The following GALNT13 variants were observed in gnomAD, a reference collection of about 807,000 sequenced individuals.
GALNT13 encodes the protein UDP-GalNAc:polypeptide N-acetylgalactosaminyltransferase 13.
GALNT13 carries 28 observed loss-of-function variants against 64.2 expected under a neutral mutation model. The ratio of observed to expected loss-of-function variants is 0.44; its 90% CI spans 0.32 to 0.60. The LOEUF is 0.60. Among genes scored for constraint, GALNT13 ranks in the 20% least tolerant of loss-of-function variants. The pLI, the probability that GALNT13 is intolerant of heterozygous loss-of-function variation, is 0.05. For synonymous variants in GALNT13, 214 were observed against 224.6 expected (o/e 0.95, Z 0.42); for missense variants, 577 against 669.8 (o/e 0.86, Z 1.53).
At chr2:154,286,921 G>A (rs151247803) in intron 8 of GALNT13, 62 of 496,738 alleles carry the variant, frequency 1.2e-4, no homozygotes, top group East Asian at 1.0e-3. Flanking sequence ...CACCAGCATC[G>A]GAGAGGACTA....
At chr2:153,688,952 T>C in the GALNT13 span, among the ~76,000 whole-genome samples, 1 of 151,354 alleles carries the variant, frequency 6.6e-6, no homozygotes, top group Non-Finnish European at 1.5e-5. Context: ...GTTGCGTATA[T>C]ACCGAAAGTG....
chr2:154,091,721 C>A (rs897628422), intron 3 of GALNT13, among the ~76,000 whole-genome samples: 22 of 151,776 alleles, frequency 1.4e-4, no homozygotes, highest in Non-Finnish European at 3.1e-4. Context: ...TAGTAAACTG[C>A]TTATTCAGAA....
At chr2:154,343,378 C>T (rs1454302265) in intron 9 of GALNT13, among the ~76,000 whole-genome samples, 1 of 151,918 alleles carries the variant, frequency 6.6e-6, no homozygotes, top group Non-Finnish European at 1.5e-5. Context: ...GTGGTTGTTA[C>T]TGGAGATAAA....
chr2:153,730,983 T>C, the GALNT13 span, among the ~76,000 whole-genome samples: 1 of 151,778 alleles, frequency 6.6e-6, no homozygotes, highest in Admixed American at 6.6e-5. Flanking sequence ...CACACATTTA[T>C]TGCAGTACTA....
intron 3 of GALNT13, among the ~76,000 whole-genome samples, chr2:154,133,578 A>ATC (rs1407079879): frequency 8.0e-6 from 1 of 125,560 alleles, no homozygotes; most frequent in African/African-American, 3.5e-5. Flanking sequence ...ATATATATAT[A>ATC]TATATATCTG....
intron 4 of GALNT13, among the ~76,000 whole-genome samples, chr2:154,142,953 T>C (rs1486579126): frequency 6.6e-6 from 1 of 152,166 alleles, no homozygotes; most frequent in East Asian, 1.9e-4. Flanking sequence ...GCATTTTAGA[T>C]GCTAAGTTTA....
chr2:153,704,260 T>G, the GALNT13 span, among the ~76,000 whole-genome samples: 1 of 152,172 alleles, frequency 6.6e-6, no homozygotes, highest in Admixed American at 6.5e-5. Context: ...CAAAAATGTA[T>G]GATTAAATGC....
chr2:154,025,175 A>G (rs1486686531), intron 3 of GALNT13, among the ~76,000 whole-genome samples: 1 of 152,168 alleles, frequency 6.6e-6, no homozygotes, highest in East Asian at 1.9e-4. Flanking sequence ...GCCCATTCTC[A>G]GATCTCAAGC....
chr2:153,635,853 T>G, the GALNT13 span, among the ~76,000 whole-genome samples: 2 of 152,168 alleles, frequency 1.3e-5, no homozygotes, highest in Non-Finnish European at 2.9e-5. Flanking sequence ...TGTTTTTTTT[T>G]GTACATGTTT....
the GALNT13 span, among the ~76,000 whole-genome samples, chr2:153,275,688 C>T: frequency 6.6e-6 from 1 of 152,100 alleles, no homozygotes; most frequent in Admixed American, 6.5e-5. Flanking sequence ...TAAAGCATTC[C>T]ATAATAAGGC....
chr2:154,283,050 T>G (rs2105943432), intron 8 of GALNT13, among the ~76,000 whole-genome samples: 1 of 152,304 alleles, frequency 6.6e-6, no homozygotes, highest in Admixed American at 6.5e-5. Flanking sequence ...TTTGAATGAC[T>G]TTCATGCCTT....
At chr2:154,267,911 A>T (rs906385131) in intron 8 of GALNT13, among the ~76,000 whole-genome samples, 3 of 152,202 alleles carry the variant, frequency 2.0e-5, no homozygotes, top group African/African-American at 7.2e-5. Flanking sequence ...TAGTGGGGAA[A>T]TGAAATTTAA....
At chr2:154,187,845 G>T (rs1686344443) in intron 4 of GALNT13, among the ~76,000 whole-genome samples, 1 of 151,772 alleles carries the variant, frequency 6.6e-6, no homozygotes, top group Non-Finnish European at 1.5e-5. Context: ...ATTTTATTAG[G>T]GTTTTTCTGA....
the GALNT13 span, among the ~76,000 whole-genome samples, chr2:153,374,535 T>C: frequency 6.6e-6 from 1 of 152,182 alleles, no homozygotes; most frequent in Non-Finnish European, 1.5e-5. Flanking sequence ...CACTGACTTA[T>C]CTTGTAGTTC....
At chr2:154,224,022 A>T (rs1688458833) in intron 4 of GALNT13, among the ~76,000 whole-genome samples, 1 of 152,206 alleles carries the variant, frequency 6.6e-6, no homozygotes, top group Middle Eastern at 3.4e-3. Flanking sequence ...GGAAAAAAAG[A>T]AGTTTACATT....
intron 4 of GALNT13, among the ~76,000 whole-genome samples, chr2:154,241,451 T>C (rs879107154): frequency 6.6e-6 from 1 of 152,184 alleles, no homozygotes; most frequent in Admixed American, 6.5e-5. Context: ...TTTCCTGATC[T>C]CCAAAACATA....
rs79968909 is a variant in GALNT13 at position 153,934,999 on chromosome 2, A to C, written c.-104-9395A>C. Among the ~76,000 whole-genome samples, 1,143 of 152,264 alleles carry C rather than the reference A, an allele frequency of 7.5e-3. 7 individuals carry two copies. Among genetic ancestry groups the C allele is most frequent in the Middle Eastern group, 0.021 (6 of 292 alleles). ...TGGCACTCCATTGAACACCCTAAAT[A>C]ATATGACAGTGGCTGGGGTCAGATG... is the stretch of plus-strand genomic sequence containing the variant. On this transcript the variant is annotated intron_variant, in intron 2 of 12. Coordinates refer to ENST00000392825, the MANE Select transcript of GALNT13 (RefSeq NM_052917.4).
chr2:153,837,322 G>A, the GALNT13 span, among the ~76,000 whole-genome samples: 1 of 152,058 alleles, frequency 6.6e-6, no homozygotes, highest in South Asian at 2.1e-4. Context: ...AGAAGTGTCT[G>A]TTCATATCCT....
the GALNT13 span, among the ~76,000 whole-genome samples, chr2:153,821,143 T>C: frequency 1.3e-5 from 2 of 152,164 alleles, no homozygotes; most frequent in African/African-American, 4.8e-5. Context: ...ACAATGATAG[T>C]GGGGAGCTTC....
Sources: allele counts gnomAD v4.1 joint callset (sites outside exome capture counted in the v4.1 genomes callset), GRCh38; gene constraint gnomAD v4.1.1; transcripts MANE v1.5; gene names NCBI Gene and HGNC (gene_info 2026-07-23, HGNC 2026-07-21).